Variants in EP400 observed in about 807,000 individuals in gnomAD.
The protein encoded by EP400 is E1A binding protein p400.
EP400 carries 105 observed loss-of-function variants against 354.1 expected under a neutral mutation model. The ratio of observed to expected loss-of-function variants is 0.30; its 90% confidence interval spans 0.25 to 0.35. The LOEUF (loss-of-function observed/expected upper bound fraction) is 0.35, where lower values mean the gene tolerates loss of function less well. Ranked by LOEUF, EP400 falls within the 10% of genes least tolerant of loss-of-function variation. The probability of loss-of-function intolerance (pLI) is 1.00; values close to 1 mark genes in which losing one functional copy is unlikely to be tolerated. For missense variants in EP400, 3,280 were observed against 4,121.0 expected, an observed-to-expected ratio of 0.80 and a Z score of 5.59; for synonymous variants, 1,646 against 1,716.9, an observed-to-expected ratio of 0.96 and a Z score of 1.02.
intron 15 of EP400, among the ~76,000 whole-genome samples, chr12:132,009,469 T>G (rs943526783): frequency 6.6e-6 from 1 of 151,916 alleles, no homozygotes; most frequent in African/African-American, 2.4e-5. Flanking sequence ...TGGAGCAAGG[T>G]CTCAGGGAGA....
Position 132,067,394 on chromosome 12 carries a change from C to T in EP400, c.8782C>T (p.Gln2928Ter). 6.2e-7 allele frequency: 1 copy of T among 1,613,572 alleles called. No individual in the cohort carries two copies. The highest frequency in any genetic ancestry group is 8.5e-7 in the Non-Finnish European group (1 of 1,180,048). Residue 2928 changes from glutamine to a stop codon, truncating the protein, a stop_gained, in exon 50 of 53, where the codon CAG (glutamine) becomes TAG (stop). Coordinates refer to ENST00000389561, the MANE Select transcript of EP400 (RefSeq NM_015409.5). LOFTEE classifies it high-confidence loss of function. The surrounding 1 kb of genome is among the most constrained non-coding windows in gnomAD (Gnocchi z 5.3). ...CGTGGTGGCCCAGCCCGTGCACATG[C>T]AGCAGCTGCTGAAGCTGAAGCAGCA... ...QTVVAQPVHMQQLLKLKQQAV... is the reference protein window; with the variant it reads ...QTVVAQPVHM
chr12:131,975,864 A>C (rs750532343), intron 2 of EP400, among the ~76,000 whole-genome samples: 12 of 151,958 alleles, frequency 7.9e-5, no homozygotes, highest in Non-Finnish European at 1.2e-4. Flanking sequence ...GGTCAATTTA[A>C]AATTTTTTGT....
intron 30 of EP400, among the ~76,000 whole-genome samples, chr12:132,032,516 G>A (rs1053944818): frequency 7.2e-5 from 11 of 151,844 alleles, no homozygotes; most frequent in African/African-American, 2.2e-4. Context: ...TTAAAAGTAC[G>A]ATTTAGATTT....
intron 45 of EP400, among the ~76,000 whole-genome samples, chr12:132,058,353 A>ATTTTTTTTTTTTTTTTTTTT (rs60226464): frequency 5.4e-5 from 7 of 129,560 alleles, no homozygotes; most frequent in African/African-American, 2.1e-4. Context: ...TAAAGATTGG[A>ATTTTTTTTTTTTTTTTTTTT]TTTTTTTTTT....
chr12:132,007,770 C>T (rs1893631966), intron 15 of EP400, among the ~76,000 whole-genome samples: 2 of 152,140 alleles, frequency 1.3e-5, no homozygotes, highest in Admixed American at 6.5e-5. Context: ...GAGCTTTGAA[C>T]GTAAAGCTGG....
intron 2 of EP400, among the ~76,000 whole-genome samples, chr12:131,967,379 T>G (rs1892136901): frequency 6.7e-6 from 1 of 149,594 alleles, no homozygotes; most frequent in South Asian, 2.1e-4. Flanking sequence ...AGACTCTGAC[T>G]CAAAAAAATA....
chr12:131,960,319 T>A (rs984401777), intron 1 of EP400, among the ~76,000 whole-genome samples: 1 of 152,190 alleles, frequency 6.6e-6, no homozygotes, highest in Non-Finnish European at 1.5e-5. Context: ...CCACACAAGT[T>A]AGCTGTTGAG....
rs550898998 is a variant in EP400 at position 131,998,486 on chromosome 12, G to T, written c.2827+3530G>T. 2.6e-5 allele frequency among the ~76,000 whole-genome samples: 4 copies of T among 151,992 alleles called. No homozygotes were observed. In the East Asian group the frequency reaches 5.8e-4, roughly 22 times the overall value. ...TTTCATGATTGTGTCTCTTTTGTTA[G>T]ATTTAATTCTAGGTACTATATATTT... is the stretch of plus-strand genomic sequence containing the variant. On this transcript the variant is annotated intron_variant, in intron 12 of 52. Coordinates refer to ENST00000389561, the MANE Select transcript of EP400 (RefSeq NM_015409.5).
chr12:132,000,920 T>A (rs1893387172), intron 12 of EP400, among the ~76,000 whole-genome samples: 1 of 152,252 alleles, frequency 6.6e-6, no homozygotes, highest in Admixed American at 6.5e-5. Context: ...TGAAATTTTA[T>A]AATCTCTGCC....
intron 19 of EP400, among the ~76,000 whole-genome samples, chr12:132,016,661 C>T (rs1411931392): frequency 6.6e-6 from 1 of 152,162 alleles, no homozygotes; most frequent in African/African-American, 2.4e-5. Flanking sequence ...CATGAGCCAC[C>T]GCACCCGGCC....
intron 5 of EP400, 48 bp from the exon 6 acceptor site, chr12:131,986,466 C>T: frequency 2.6e-6 from 4 of 1,538,660 alleles, no homozygotes; most frequent in Middle Eastern, 2.2e-4. Context: ...CGTGGGCTGC[C>T]CCGACATCTT....
At chr12:131,977,396 G>A (rs1344205174) in intron 2 of EP400, among the ~76,000 whole-genome samples, 2 of 151,644 alleles carry the variant, frequency 1.3e-5, no homozygotes, top group East Asian at 1.9e-4. Flanking sequence ...GCCTCCCAAA[G>A]TGCTGGGATT....
rs774337473 is a variant in EP400 at position 132,013,193 on chromosome 12, C to T, written c.3611+15C>T. The T allele has an allele frequency of 2.2e-5, 35 of 1,596,742 alleles. No homozygotes were observed. Among genetic ancestry groups the T allele is most frequent in the Admixed American group, 5.1e-5 (3 of 58,398 alleles). On this transcript the variant is annotated intron_variant, in intron 17 of 52. Transcript: ENST00000389561. This position sits in a 1 kb window ranked among gnomAD's most constrained non-coding sequence, Gnocchi z 4.5. The stretch of plus-strand genomic sequence containing the variant: ...ACCCTGCAGAGGTCTGTGTGTTACG[C>T]GCTTGTCATTGAGTGTTCTTTGCTG...
intron 37 of EP400, 132 bp downstream of exon 37, chr12:132,045,085 T>C (rs999242472): frequency 2.2e-6 from 3 of 1,394,058 alleles, no homozygotes; most frequent in Non-Finnish European, 2.9e-6. Context: ...CACACGCCCA[T>C]CCGCTGCCTC....
Position 131,964,577 on chromosome 12 carries a change from GTTAC to G in EP400, c.1335+2626_1335+2629del, listed in dbSNP as rs1375492499. Among the ~76,000 whole-genome samples, 3 of 152,216 alleles carry G rather than the reference GTTAC, an allele frequency of 2.0e-5. No homozygotes were observed. The East Asian group carries it at 5.8e-4, about 29-fold the overall frequency. Reference sequence around the variant, plus strand: ...CAGTTTCATCCTTGGGATTTTTGTTGTTACTTTAAATTTTGATTTAATTTCAAAT... The same window carrying G: ...CAGTTTCATCCTTGGGATTTTTGTTGTTTAAATTTTGATTTAATTTCAAAT... On this transcript the variant is annotated intron_variant, in intron 2 of 52. Transcript: ENST00000389561.
rs1895244767 is a variant in EP400 at position 132,050,192 on chromosome 12, C to T, written c.7201-131C>T. 5.2e-6 allele frequency: 6 copies of T among 1,157,772 alleles called. No individual in the cohort carries two copies. The highest frequency in any genetic ancestry group is 2.5e-5 in the Admixed American group (1 of 40,784). 71.7% of individuals were successfully genotyped at this position (1,157,772 alleles called of 1,614,324 possible). ...TTATGCCTGAACTTGGAAAGAAGGC[C>T]CAGGAAAAGGAAGTTTGTGTTCAGC... On this transcript the variant is annotated intron_variant, in intron 39 of 52. Transcript: ENST00000389561. This position sits in a 1 kb window ranked among gnomAD's most constrained non-coding sequence, Gnocchi z 4.8.
At position 132,038,307 on chromosome 12, in the gene EP400, C is replaced by T. The variant is rs1223768917; in HGVS notation, c.6207+211C>T. ...AAGTGAGGGGAATGGTGGCGAAGGT[C>T]GCGGACCACAGGCCTGTCACCGAAG... is the stretch of plus-strand genomic sequence containing the variant. On this transcript the variant is annotated intron_variant, in intron 32 of 52. Coordinates refer to ENST00000389561, the MANE Select transcript of EP400 (RefSeq NM_015409.5). This position sits in a 1 kb window ranked among gnomAD's most constrained non-coding sequence, Gnocchi z 4.2. Among the ~76,000 whole-genome samples the T allele has an allele frequency of 6.6e-6, 1 of 152,166 alleles. No homozygotes were observed. Among genetic ancestry groups the T allele is most frequent in the African/African-American group, 2.4e-5 (1 of 41,436 alleles).
rs1565933293 is a variant in EP400 at position 132,062,581 on chromosome 12, G to GCAGCAA, written c.8219_8220insACAGCA (p.Gln2747_Gln2748dup). 7.5e-6 allele frequency: 12 copies of GCAGCAA among 1,607,048 alleles called. No individual in the cohort carries two copies. Among genetic ancestry groups the GCAGCAA allele is most frequent in the Non-Finnish European group, 1.0e-5 (12 of 1,175,388 alleles). ...AGCAGCAGCAGCAGCAGCAGCAGCA[G>GCAGCAA]CAGCAGCAGCAACAGCAGCAGCAGC... On this transcript the variant is annotated inframe_insertion, in exon 47 of 53. Coordinates refer to ENST00000389561, the MANE Select transcript of EP400 (RefSeq NM_015409.5).
In EP400 at chr12:131,960,730, C is replaced by T. The variant is rs1891851223; in HGVS notation, c.111C>T (p.Ser37=). 1 of 1,606,576 alleles carries T rather than the reference C, an allele frequency of 6.2e-7. No individual in the cohort carries two copies. The highest frequency in any genetic ancestry group is 8.5e-7 in the Non-Finnish European group (1 of 1,176,764). ...EQPAHPNPPP[S]PAAPFAPSAS... is the part of the protein sequence containing the mutation. ...CGGCCCACCCCAACCCACCCCCGTC[C>T]CCCGCAGCTCCCTTCGCTCCCTCAG... The change falls in exon 2 of 53, where the codon TCC becomes TCT. Residue 37 remains serine, a synonymous_variant. Coordinates refer to ENST00000389561, the MANE Select transcript of EP400 (RefSeq NM_015409.5).
Sources: gnomAD v4.1 joint callset for allele counts (sites outside exome capture counted in the v4.1 genomes callset) on GRCh38, gnomAD v4.1.1 for gene constraint, Gnocchi (gnomAD v3.1) non-coding constraint, MANE v1.5 for transcripts, NCBI Gene and HGNC (gene_info 2026-07-23, HGNC 2026-07-21) for gene names.